Variants in THSD7A observed in about 807,000 individuals in gnomAD.
THSD7A encodes thrombospondin type 1 domain containing 7A, also known as thrombospondin type-1 domain-containing protein 7A.
In THSD7A, 96 loss-of-function variants were observed where a neutral mutation model predicts 231.3. That is an observed-to-expected ratio of 0.41 (90% CI 0.35 to 0.49). The LOEUF is 0.49. THSD7A is among the 20% of genes least tolerant of loss of function. THSD7A has a pLI of 0.05. For missense variants in THSD7A, 2,290 were observed against 2,070.2 expected, an observed-to-expected ratio of 1.11 and a Z score of -2.06; for synonymous variants, 940 against 743.3, an observed-to-expected ratio of 1.26 and a Z score of -4.30.
chr7:11,786,759 T>TAAAAAAAAAAA (rs58923353), intron 1 of THSD7A, among the ~76,000 whole-genome samples: 4 of 108,646 alleles, frequency 3.7e-5, no homozygotes, highest in South Asian at 2.9e-4. Context: ...AGTATAATAA[T>TAAAAAAAAAAA]AAAAAAAAAA....
At chr7:11,507,712 T>C (rs1303732976) in intron 6 of THSD7A, among the ~76,000 whole-genome samples, 1 of 152,160 alleles carries the variant, frequency 6.6e-6, no homozygotes, top group African/African-American at 2.4e-5. Context: ...CTGAAAGTAT[T>C]CATGTTTTCT....
At chr7:11,820,706 G>A (rs145021896) in intron 1 of THSD7A, 9 of 957,898 alleles carry the variant, frequency 9.4e-6, no homozygotes, top group African/African-American at 8.0e-5. Flanking sequence ...CTCAAAGCCC[G>A]TGGAGCTCTC....
At chr7:11,559,062 G>A (rs1185104187) in intron 4 of THSD7A, among the ~76,000 whole-genome samples, 1 of 152,166 alleles carries the variant, frequency 6.6e-6, no homozygotes, top group Non-Finnish European at 1.5e-5. Flanking sequence ...CAGGAGCCAA[G>A]GGATGTGGGT....
At chr7:11,448,564 C>T (rs368270261) in intron 11 of THSD7A, among the ~76,000 whole-genome samples, 24 of 152,106 alleles carry the variant, frequency 1.6e-4, no homozygotes, top group Non-Finnish European at 2.5e-4. Context: ...AGGAGCCTGA[C>T]GTTTTTGACC....
rs57740181 is a variant in THSD7A, at chr7:11,778,156, C to CAAAAAA, written c.190+53595_190+53600dup. Among the ~76,000 whole-genome samples, 65 of 44,944 alleles carry CAAAAAA rather than the reference C, an allele frequency of 1.4e-3. 1 individual carries two copies. The highest frequency in any genetic ancestry group is 6.3e-3 in the South Asian group (5 of 794). 29.5% of individuals were successfully genotyped at this position (44,944 alleles called of 152,430 possible). A position where few individuals can be genotyped will look rare whatever the true frequency, so the allele number is the denominator to read the frequency against. ...TGGGCGACAGAGCGAGACTCCGTCT[C>CAAAAAA]AAAAAAAAAAAAAAAAAAAAAAGAA... On this transcript the variant is annotated intron_variant, in intron 1 of 27. Transcript: ENST00000423059.
rs932952501 is a variant in THSD7A at position 11,370,580 on chromosome 7, C to G, written c.*5214G>C. The G allele has an allele frequency of 1.3e-5, 2 of 152,056 alleles. No individual in the cohort carries two copies. The highest frequency in any genetic ancestry group is 4.8e-5 in the African/African-American group (2 of 41,414). The allele number at this position is 152,056 out of a possible 1,614,324, so 9.4% of individuals were successfully genotyped here. A position where few individuals can be genotyped will look rare whatever the true frequency, so the allele number is the denominator to read the frequency against. On this transcript the variant is annotated 3_prime_UTR_variant, in exon 28 of 28. Coordinates refer to ENST00000423059, the MANE Select transcript of THSD7A (RefSeq NM_015204.3). The stretch of plus-strand genomic sequence containing the variant: ...AAGCTTAGTGACATTATTTGCAAAT[C>G]TGTAGTTAATTGTACATAGACATTT...
chr7:11,757,110 A>G (rs1247063870), intron 1 of THSD7A, among the ~76,000 whole-genome samples: 1 of 151,924 alleles, frequency 6.6e-6, no homozygotes, highest in Non-Finnish European at 1.5e-5. Flanking sequence ...ATCTCTATAT[A>G]TGTATTTTTA....
chr7:11,450,720 G>A (rs139915151), intron 11 of THSD7A, among the ~76,000 whole-genome samples: 2 of 151,970 alleles, frequency 1.3e-5, no homozygotes, highest in Non-Finnish European at 2.9e-5. Flanking sequence ...TAGCACACCA[G>A]AAAACTACAT....
intron 11 of THSD7A, among the ~76,000 whole-genome samples, chr7:11,455,098 C>A (rs1395709018): frequency 6.6e-6 from 1 of 151,178 alleles, no homozygotes; most frequent in Non-Finnish European, 1.5e-5. Context: ...CTCTCTCTGT[C>A]TCTCTCTCTC....
chr7:11,561,139 T>A (rs905124861), intron 4 of THSD7A, among the ~76,000 whole-genome samples: 3 of 152,128 alleles, frequency 2.0e-5, no homozygotes, highest in Non-Finnish European at 4.4e-5. Flanking sequence ...TGTATGTACC[T>A]CTAATTACTA....
chr7:11,551,845 A>G (rs1328718037), intron 4 of THSD7A, among the ~76,000 whole-genome samples: 1 of 152,136 alleles, frequency 6.6e-6, no homozygotes. Context: ...ACTACTGGGT[A>G]TATACCCAAA....
intron 1 of THSD7A, among the ~76,000 whole-genome samples, chr7:11,762,645 T>TA (rs1782902878): frequency 6.6e-6 from 1 of 152,140 alleles, no homozygotes; most frequent in African/African-American, 2.4e-5. Flanking sequence ...AATCCTTTGT[T>TA]AGATACATAG....
intron 6 of THSD7A, among the ~76,000 whole-genome samples, chr7:11,497,052 C>T (rs1787131649): frequency 6.6e-6 from 1 of 152,280 alleles, no homozygotes; most frequent in East Asian, 1.9e-4. Flanking sequence ...ACTTACAGTT[C>T]AGAATGGCTG....
chr7:11,554,055 C>T (rs1157744725), intron 4 of THSD7A, among the ~76,000 whole-genome samples: 3 of 151,806 alleles, frequency 2.0e-5, no homozygotes, highest in Non-Finnish European at 4.4e-5. Flanking sequence ...TCCAGTTTCT[C>T]CCATAGGCAA....
At chr7:11,472,053 G>T (rs1785961092) in intron 8 of THSD7A, among the ~76,000 whole-genome samples, 3 of 152,058 alleles carry the variant, frequency 2.0e-5, no homozygotes, top group African/African-American at 7.2e-5. Flanking sequence ...CAAGATACTT[G>T]GCTGACTGTG....
chr7:11,746,044 C>T (rs1782288325), intron 1 of THSD7A, among the ~76,000 whole-genome samples: 1 of 151,948 alleles, frequency 6.6e-6, no homozygotes, highest in African/African-American at 2.4e-5. Flanking sequence ...GCAGTATGGC[C>T]ATTTTTATGA....
chr7:11,587,121 T>C (rs1779941489), intron 4 of THSD7A, among the ~76,000 whole-genome samples: 1 of 152,194 alleles, frequency 6.6e-6, no homozygotes, highest in African/African-American at 2.4e-5. Context: ...TCTACTTTCA[T>C]TTTACTTTGA....
intron 13 of THSD7A, 138 bp downstream of exon 13, chr7:11,445,923 T>TA (rs1784954498): frequency 9.5e-7 from 1 of 1,054,338 alleles, no homozygotes; most frequent in Non-Finnish European, 1.4e-6. Flanking sequence ...ATAAATGATA[T>TA]ATGTATAGTG....
chr7:11,521,651 G>A (rs1214546896), intron 6 of THSD7A, among the ~76,000 whole-genome samples: 1 of 140,582 alleles, frequency 7.1e-6, no homozygotes, highest in Non-Finnish European at 1.5e-5. Context: ...CCACTAACGT[G>A]TCATCTAGCA....
Sources: allele counts gnomAD v4.1 joint callset (sites outside exome capture counted in the v4.1 genomes callset), GRCh38; gene constraint gnomAD v4.1.1; transcripts MANE v1.5; gene names NCBI Gene and HGNC (gene_info 2026-07-23, HGNC 2026-07-21).